Variants in SUGCT observed in about 807,000 individuals in gnomAD.
SUGCT encodes succinyl-CoA:glutarate-CoA transferase.
SUGCT carries 41 observed loss-of-function variants against 55.0 expected under a neutral mutation model. That is an observed-to-expected ratio of 0.74 (90% confidence interval 0.58 to 0.97). The LOEUF is 0.97. Among genes scored for constraint, SUGCT ranks in the 50% least tolerant of loss-of-function variants. The pLI, the probability that SUGCT is intolerant of heterozygous loss-of-function variation, is 0.00. For missense variants in SUGCT, 568 were observed against 547.8 expected (o/e 1.04, Z -0.37); for synonymous variants, 187 against 200.4 (o/e 0.93, Z 0.56).
chr7:40,341,461 T>G (rs994813158), intron 9 of SUGCT, among the ~76,000 whole-genome samples: 1 of 152,206 alleles, frequency 6.6e-6, no homozygotes, highest in Non-Finnish European at 1.5e-5. Context: ...GAGGGAGATG[T>G]GTAAACAGTG....
At chr7:40,518,922 TTAAA>T (rs1483715623) in intron 12 of SUGCT, among the ~76,000 whole-genome samples, 3 of 152,090 alleles carry the variant, frequency 2.0e-5, no homozygotes, top group South Asian at 4.1e-4. Flanking sequence ...TAATAAATGC[TTAAA>T]TAAATAAATT....
intron 9 of SUGCT, among the ~76,000 whole-genome samples, chr7:40,428,635 C>T (rs1014352392): frequency 5.3e-5 from 8 of 151,918 alleles, no homozygotes; most frequent in Non-Finnish European, 7.4e-5. Flanking sequence ...ACTATATTGT[C>T]TCCACCCATT....
intron 6 of SUGCT, among the ~76,000 whole-genome samples, chr7:40,213,385 T>G (rs1787452552): frequency 6.6e-6 from 1 of 152,186 alleles, no homozygotes. Flanking sequence ...TGATGTTTTC[T>G]TAGGAACTGA....
chr7:40,182,091 T>A, intron 3 of SUGCT, 63 bp downstream of exon 3: 1 of 948,292 alleles, frequency 1.1e-6, no homozygotes, highest in Non-Finnish European at 1.6e-6. Flanking sequence ...AATAATTCTC[T>A]AAATACCCAT....
At chr7:40,320,542 C>T (rs1795671529) in intron 9 of SUGCT, among the ~76,000 whole-genome samples, 1 of 152,170 alleles carries the variant, frequency 6.6e-6, no homozygotes, top group African/African-American at 2.4e-5. Flanking sequence ...ACATAGTTGT[C>T]AGTGGGGCCA....
At chr7:41,004,221 TGA>T in the SUGCT span, among the ~76,000 whole-genome samples, 1 of 152,224 alleles carries the variant, frequency 6.6e-6, no homozygotes, top group African/African-American at 2.4e-5. Flanking sequence ...TTAGATTCGC[TGA>T]CTGCTTCTCA....
chr7:40,163,845 A>C (rs1192586778), intron 1 of SUGCT, among the ~76,000 whole-genome samples: 1 of 148,988 alleles, frequency 6.7e-6, no homozygotes, highest in Admixed American at 6.7e-5. Context: ...TTTTTTAGAC[A>C]GAGTCTAGCT....
At chr7:40,715,349 C>T (rs1203727) in intron 12 of SUGCT, among the ~76,000 whole-genome samples, 55,686 of 151,828 alleles carry the variant, frequency 0.37, 11,775 homozygotes, top group African/African-American at 0.6. Context: ...AGCCTGCCTC[C>T]GCTGTCTTCT....
intron 12 of SUGCT, among the ~76,000 whole-genome samples, chr7:40,590,498 A>G (rs1351908444): frequency 6.6e-6 from 1 of 152,228 alleles, no homozygotes; most frequent in Non-Finnish European, 1.5e-5. Flanking sequence ...TAAAAGTGCA[A>G]AATGAAGTAG....
chr7:40,563,479 G>A (rs2151668413), intron 12 of SUGCT, among the ~76,000 whole-genome samples: 1 of 152,056 alleles, frequency 6.6e-6, no homozygotes, highest in East Asian at 1.9e-4. Context: ...GCCAAGGCAG[G>A]AGGATTGCTT....
intron 1 of SUGCT, among the ~76,000 whole-genome samples, chr7:40,164,925 T>C (rs1449873306): frequency 1.3e-5 from 2 of 152,232 alleles, no homozygotes; most frequent in Admixed American, 6.5e-5. Context: ...CTGGAATGTC[T>C]TCCAGTGGAT....
chr7:40,584,184 G>T (rs1797251996), intron 12 of SUGCT, among the ~76,000 whole-genome samples: 1 of 152,212 alleles, frequency 6.6e-6, no homozygotes, highest in Non-Finnish European at 1.5e-5. Flanking sequence ...CCTTGTGTGT[G>T]TATTATTCGA....
At chr7:40,297,792 T>C (rs1794258645) in intron 8 of SUGCT, among the ~76,000 whole-genome samples, 1 of 152,126 alleles carries the variant, frequency 6.6e-6, no homozygotes, top group African/African-American at 2.4e-5. Context: ...TCCTGAACTT[T>C]CTAATGTATT....
chr7:40,379,110 T>G (rs1329003773), intron 9 of SUGCT, among the ~76,000 whole-genome samples: 1 of 152,144 alleles, frequency 6.6e-6, no homozygotes, highest in East Asian at 1.9e-4. Context: ...ATTGGAGTAA[T>G]GAAGCCTCAA....
chr7:40,278,453 G>T (rs1314057599), intron 8 of SUGCT, among the ~76,000 whole-genome samples: 1 of 152,136 alleles, frequency 6.6e-6, no homozygotes, highest in African/African-American at 2.4e-5. Context: ...TATAAATCAT[G>T]CTGCTATAAA....
chr7:40,544,316 T>C (rs538664338), intron 12 of SUGCT, among the ~76,000 whole-genome samples: 36 of 152,232 alleles, frequency 2.4e-4, no homozygotes, highest in African/African-American at 8.7e-4. Flanking sequence ...AGATCCCATA[T>C]ATGCTGTGGA....
chr7:40,416,887 T>G (rs1000668629), intron 9 of SUGCT, among the ~76,000 whole-genome samples: 4 of 152,028 alleles, frequency 2.6e-5, no homozygotes, highest in Non-Finnish European at 5.9e-5. Flanking sequence ...TGTCTGGAAC[T>G]AGTGCCTTTA....
chr7:40,909,964 G>A, the SUGCT span, among the ~76,000 whole-genome samples: 1 of 152,116 alleles, frequency 6.6e-6, no homozygotes, highest in Admixed American at 6.5e-5. Context: ...TTGACTTGGG[G>A]TTCAACAGGC....
intron 9 of SUGCT, among the ~76,000 whole-genome samples, chr7:40,350,089 A>G (rs1797534502): frequency 6.6e-6 from 1 of 152,108 alleles, no homozygotes; most frequent in African/African-American, 2.4e-5. Context: ...TACCTAGCAG[A>G]AAATCTGTAG....
Sources: allele counts gnomAD v4.1 joint callset (sites outside exome capture counted in the v4.1 genomes callset), GRCh38; gene constraint gnomAD v4.1.1; transcripts MANE v1.5; gene names NCBI Gene and HGNC (gene_info 2026-07-23, HGNC 2026-07-21).